FBXW10B: variants seen among roughly 807,000 people sequenced by gnomAD.
The protein encoded by FBXW10B is F-box and WD repeat domain containing protein 10B.
chr17:15,572,226 G>C, the FBXW10B span: 1 of 151,956 alleles, frequency 6.6e-6, no homozygotes, highest in Non-Finnish European at 1.5e-5. Context: ...TAGAACATAA[G>C]ATTTTGGGGT....
chr17:15,589,886 A>G, the FBXW10B span, among the ~76,000 whole-genome samples: 30 of 152,190 alleles, frequency 2.0e-4, no homozygotes, highest in Non-Finnish European at 3.4e-4. Flanking sequence ...TACAAATGCG[A>G]TTACACCTTT....
chr17:15,582,586 T>C, the FBXW10B span, among the ~76,000 whole-genome samples: 8 of 151,374 alleles, frequency 5.3e-5, no homozygotes, highest in African/African-American at 1.7e-4. Context: ...GATGTCTCAT[T>C]GTATACAAAT....
chr17:15,612,604 C>G, the FBXW10B span: 22 of 1,554,476 alleles, frequency 1.4e-5, no homozygotes, highest in African/African-American at 2.7e-5. Context: ...CCGTGATCCT[C>G]TGTCCTCACT....
chr17:15,588,255 A>C, the FBXW10B span: 1 of 161,182 alleles, frequency 6.2e-6, no homozygotes, highest in South Asian at 1.7e-4. Flanking sequence ...AACCGGTAGC[A>C]TGCTGAGCCT....
At chr17:15,612,704 C>A in the FBXW10B span, 2 of 1,614,020 alleles carry the variant, frequency 1.2e-6, no homozygotes, top group South Asian at 2.2e-5. Context: ...AACCCACCTT[C>A]GTTCTCAACT....
chr17:15,601,181 G>T, the FBXW10B span, among the ~76,000 whole-genome samples: 1 of 150,446 alleles, frequency 6.6e-6, no homozygotes, highest in South Asian at 2.1e-4. Flanking sequence ...AGGCCGAGGC[G>T]GGCGGATCAC....
the FBXW10B span, among the ~76,000 whole-genome samples, chr17:15,571,213 C>A: frequency 1.3e-5 from 2 of 151,920 alleles, no homozygotes; most frequent in East Asian, 1.9e-4. Context: ...GGTATGGCAG[C>A]ATGTGCCTGT....
chr17:15,582,426 T>C, the FBXW10B span, among the ~76,000 whole-genome samples: 1 of 149,510 alleles, frequency 6.7e-6, no homozygotes, highest in Non-Finnish European at 1.5e-5. Flanking sequence ...AACCTGAATA[T>C]AACCATGATA....
chr17:15,619,302 G>A, the FBXW10B span: 1 of 1,613,886 alleles, frequency 6.2e-7, no homozygotes. Flanking sequence ...TGGAAATAGT[G>A]TAACAAATAT....
At chr17:15,619,447 G>A in the FBXW10B span, 5 of 1,613,988 alleles carry the variant, frequency 3.1e-6, no homozygotes, top group Admixed American at 1.7e-5. Flanking sequence ...ATAGAGGGAT[G>A]GAATCGGTTC....
the FBXW10B span, among the ~76,000 whole-genome samples, chr17:15,601,408 C>CAAAA: frequency 1.5e-5 from 1 of 66,604 alleles, no homozygotes. Context: ...GACTCCGTCT[C>CAAAA]AAAAAAAAAA....
the FBXW10B span, among the ~76,000 whole-genome samples, chr17:15,611,144 C>T: frequency 2.0e-5 from 3 of 151,846 alleles, no homozygotes; most frequent in Admixed American, 1.3e-4. Flanking sequence ...CTGCCTCAGC[C>T]TCCCGAGTAG....
the FBXW10B span, chr17:15,573,955 A>T: frequency 4.1e-6 from 2 of 489,098 alleles, no homozygotes; most frequent in African/African-American, 3.9e-5. Flanking sequence ...TTTCCCAAGG[A>T]GAATACAGAG....
the FBXW10B span, chr17:15,615,809 C>A: frequency 3.1e-6 from 5 of 1,613,652 alleles, no homozygotes; most frequent in Non-Finnish European, 4.2e-6. Context: ...TTGATTGAGC[C>A]CTGAAACACA....
chr17:15,589,260 T>A, the FBXW10B span: 1 of 1,611,978 alleles, frequency 6.2e-7, no homozygotes, highest in East Asian at 2.2e-5. Context: ...GACCGTGTCA[T>A]CCTGGCTGGT....
At chr17:15,598,018 G>A in the FBXW10B span, among the ~76,000 whole-genome samples, 3 of 152,164 alleles carry the variant, frequency 2.0e-5, no homozygotes, top group African/African-American at 4.8e-5. Context: ...TGCTAGGTTA[G>A]CCCTAACTAT....
the FBXW10B span, among the ~76,000 whole-genome samples, chr17:15,600,703 CAA>C: frequency 2.6e-5 from 4 of 151,884 alleles, no homozygotes. Context: ...AAGGCCTAGG[CAA>C]AGTTAGAAGA....
chr17:15,580,504 T>C, the FBXW10B span, among the ~76,000 whole-genome samples: 37 of 113,578 alleles, frequency 3.3e-4, no homozygotes, highest in Non-Finnish European at 6.3e-4. Context: ...TATAATAAAA[T>C]TAAATTGTAA....
the FBXW10B span, among the ~76,000 whole-genome samples, chr17:15,609,965 AT>A: frequency 0.02 from 2,842 of 139,286 alleles, 54 homozygotes; most frequent in African/African-American, 0.059. Flanking sequence ...GGTTCAAGTG[AT>A]TTTTCTGCCT....
Sources: gnomAD v4.1 joint callset for allele counts (sites outside exome capture counted in the v4.1 genomes callset) on GRCh38, gnomAD v4.1.1 for gene constraint, MANE v1.5 for transcripts, NCBI Gene and HGNC (gene_info 2026-07-23, HGNC 2026-07-21) for gene names.